The following GOLGA4 variants were observed in gnomAD, a reference collection of about 807,000 sequenced individuals.
GOLGA4 encodes golgin A4, also known as golgin subfamily A member 4.
In GOLGA4, 169 loss-of-function variants were observed where a neutral mutation model predicts 265.9. The ratio of observed to expected loss-of-function variants is 0.64; its 90% CI spans 0.56 to 0.72. The LOEUF is 0.72. GOLGA4 is among the 30% of genes least tolerant of loss of function. GOLGA4 has a pLI of 0.00. For missense variants in GOLGA4, 2,482 were observed against 2,483.4 expected, an observed-to-expected ratio of 1.00 and a Z score of 0.01; for synonymous variants, 923 against 855.8, an observed-to-expected ratio of 1.08 and a Z score of -1.37.
chr3:37,345,957 A>T (rs1018742880), intron 20 of GOLGA4, among the ~76,000 whole-genome samples: 18 of 152,152 alleles, frequency 1.2e-4, no homozygotes, highest in Non-Finnish European at 2.6e-4. Flanking sequence ...AAAAAAAAAA[A>T]AAAGTAATCT....
chr3:37,329,179 T>C (rs988969244), intron 16 of GOLGA4, 86 bp downstream of exon 16: 2 of 1,202,566 alleles, frequency 1.7e-6, no homozygotes, highest in Admixed American at 2.6e-5. Context: ...TTTTCAAATG[T>C]GTTTTTTGAA....
chr3:37,329,492 T>C (rs1017592449), intron 16 of GOLGA4, among the ~76,000 whole-genome samples: 2 of 152,202 alleles, frequency 1.3e-5, no homozygotes, highest in African/African-American at 2.4e-5. Flanking sequence ...ATGTGGCTGC[T>C]TAACTTAGCT....
At chr3:37,310,904 C>A (rs1037420084) in intron 10 of GOLGA4, among the ~76,000 whole-genome samples, 1 of 152,138 alleles carries the variant, frequency 6.6e-6, no homozygotes. Flanking sequence ...GACTTGTCAG[C>A]TGTGACTGAT....
chr3:37,343,748 C>G (rs947423304), intron 20 of GOLGA4, among the ~76,000 whole-genome samples: 1 of 152,176 alleles, frequency 6.6e-6, no homozygotes, highest in Non-Finnish European at 1.5e-5. Context: ...GAGGCTTGAG[C>G]AGAGTTAGGT....
chr3:37,366,063 T>C lies in GOLGA4; in HGVS notation c.*34-17T>C. 1 of 1,528,036 alleles carries C rather than the reference T, an allele frequency of 6.5e-7. No homozygotes were observed. Among genetic ancestry groups the C allele is most frequent in the Non-Finnish European group, 8.7e-7 (1 of 1,142,874 alleles). 94.7% of individuals were successfully genotyped at this position (1,528,036 alleles called of 1,614,324 possible). A position where few individuals can be genotyped will look rare whatever the true frequency, so the allele number is the denominator to read the frequency against. ...TTTGCCCCCTTTCTTTATTCTCTTT[T>C]CCTTTTTCTTTTCCAGTCATGGCTC... On this transcript the variant is annotated splice_polypyrimidine_tract_variant and intron_variant, in intron 23 of 23. Transcript: ENST00000361924.
chr3:37,297,535 G>A (rs559802974), intron 7 of GOLGA4, among the ~76,000 whole-genome samples: 1 of 152,322 alleles, frequency 6.6e-6, no homozygotes, highest in East Asian at 1.9e-4. Flanking sequence ...ATTTTAAGGA[G>A]GGTGGATTCA....
chr3:37,337,073 A>T, intron 17 of GOLGA4, 70 bp from the exon 18 acceptor site: 1 of 981,264 alleles, frequency 1.0e-6, no homozygotes. Context: ...ATATCTTTAT[A>T]TTGCTTTGTT....
intron 23 of GOLGA4, among the ~76,000 whole-genome samples, chr3:37,364,886 C>T (rs1696629454): frequency 6.6e-6 from 1 of 151,870 alleles, no homozygotes; most frequent in Non-Finnish European, 1.5e-5. Flanking sequence ...AGCCACCATG[C>T]CCAGCCAGCA....
chr3:37,335,032 C>CT (rs760288150), intron 16 of GOLGA4, 21 bp from the exon 17 acceptor site: 642 of 1,351,532 alleles, frequency 4.8e-4, no homozygotes, highest in East Asian at 4.3e-3. Flanking sequence ...TCCTTTTTTT[C>CT]TTTTTTTTTA....
intron 16 of GOLGA4, among the ~76,000 whole-genome samples, chr3:37,329,644 A>G (rs927004229): frequency 3.9e-5 from 6 of 152,190 alleles, no homozygotes; most frequent in African/African-American, 1.4e-4. Context: ...GTTATTTCAA[A>G]ATACTTACTC....
At chr3:37,248,530 G>T (rs951828072) in intron 1 of GOLGA4, among the ~76,000 whole-genome samples, 1 of 152,186 alleles carries the variant, frequency 6.6e-6, no homozygotes, top group African/African-American at 2.4e-5. Context: ...AAATGCTGAA[G>T]TACAGTTAGT....
At chr3:37,343,591 C>G (rs1207247397) in intron 20 of GOLGA4, among the ~76,000 whole-genome samples, 8 of 152,182 alleles carry the variant, frequency 5.3e-5, no homozygotes, top group Non-Finnish European at 1.2e-4. Flanking sequence ...ACTTAAGTCT[C>G]TTTTGAACTC....
chr3:37,256,900 C>A (rs922697512), intron 2 of GOLGA4, among the ~76,000 whole-genome samples: 1 of 151,954 alleles, frequency 6.6e-6, no homozygotes, highest in Non-Finnish European at 1.5e-5. Context: ...GCTCAAGGGA[C>A]CCTGATTTTT....
At position 37,282,225 on chromosome 3, in the gene GOLGA4, C is replaced by T. The variant is rs1171163915; in HGVS notation, c.430C>T (p.Arg144Ter). The T allele has an allele frequency of 5.0e-6, 8 of 1,613,956 alleles. No individual in the cohort carries two copies. The highest frequency in any genetic ancestry group is 1.7e-5 in the Admixed American group (1 of 59,998). The part of the protein sequence containing the change: ...LNKEQLIQRL[R>*]RMERSLSSYR... ...CAAAGAACAGTTGATTCAGCGGTTG[C>T]GAAGAATGGAACGAAGCTTAAGTAG... The change falls in exon 3 of 24, where the codon CGA (arginine) becomes TGA (stop). Residue 144 changes from arginine (R) to a stop codon, truncating the protein, a stop_gained. Transcript: ENST00000361924. LOFTEE classifies it high-confidence loss of function.
At chr3:37,261,495 A>G (rs555928530) in intron 2 of GOLGA4, among the ~76,000 whole-genome samples, 4 of 152,354 alleles carry the variant, frequency 2.6e-5, no homozygotes, top group South Asian at 2.1e-4. Context: ...ATTAAGCCCT[A>G]TGGAAAATGA....
intron 2 of GOLGA4, among the ~76,000 whole-genome samples, chr3:37,268,013 T>C (rs1005131736): frequency 6.6e-6 from 1 of 152,200 alleles, no homozygotes; most frequent in Non-Finnish European, 1.5e-5. Context: ...TAATATCTCA[T>C]TGTTTTAAAA....
chr3:37,340,621 C>G lies in GOLGA4; in HGVS notation c.6472+422C>G, dbSNP rs76498653. Reference sequence around the variant, plus strand: ...TCCTTTGGACAGCATCTCCCACCCCCCACAGTCCCTTATAACCACCAGTTT... The same window carrying G: ...TCCTTTGGACAGCATCTCCCACCCCGCACAGTCCCTTATAACCACCAGTTT... On this transcript the variant is annotated intron_variant, in intron 20 of 23. Transcript: ENST00000361924. Among the ~76,000 whole-genome samples the G allele has an allele frequency of 3.9e-3, 594 of 152,280 alleles. 3 individuals carry two copies. Among genetic ancestry groups the G allele is most frequent in the Admixed American group, 0.011 (174 of 15,288 alleles).
chr3:37,248,669 A>G (rs1466675202), intron 1 of GOLGA4, among the ~76,000 whole-genome samples: 2 of 152,218 alleles, frequency 1.3e-5, no homozygotes, highest in Non-Finnish European at 2.9e-5. Flanking sequence ...AGATAGTACT[A>G]CTTTTCTAGG....
chr3:37,275,497 T>G (rs1011897378), intron 2 of GOLGA4, among the ~76,000 whole-genome samples: 4 of 152,048 alleles, frequency 2.6e-5, no homozygotes, highest in Non-Finnish European at 5.9e-5. Context: ...TAAACAGCAC[T>G]GTACAGAACA....
Sources: allele counts gnomAD v4.1 joint callset (sites outside exome capture counted in the v4.1 genomes callset), GRCh38; gene constraint gnomAD v4.1.1; transcripts MANE v1.5; gene names NCBI Gene and HGNC (gene_info 2026-07-23, HGNC 2026-07-21).